ZBTB24: variants seen among roughly 807,000 people sequenced by gnomAD.
ZBTB24 encodes the protein zinc finger and BTB domain containing 24.
In ZBTB24, 32 loss-of-function variants were observed where a neutral mutation model predicts 53.8. That is an observed-to-expected ratio of 0.60 (90% confidence interval 0.45 to 0.80). ZBTB24 has a LOEUF of 0.80. ZBTB24 is among the 30% of genes least tolerant of loss of function. The pLI is 0.00. For missense variants in ZBTB24, 722 were observed against 837.1 expected (o/e 0.86, Z 1.70); for synonymous variants, 297 against 306.7 (o/e 0.97, Z 0.33).
In ZBTB24 at chr6:109,478,092, G is replaced by C. The variant is rs377329703; in HGVS notation, c.953-1162C>G. On this transcript the variant is annotated intron_variant, in intron 2 of 6. Coordinates refer to ENST00000230122, the MANE Select transcript of ZBTB24 (RefSeq NM_014797.3). ...CTTAAAGCATGACAAAATAACGAAG[G>C]AATTCTTAACAGGGCCCACTTAGGA... Among the ~76,000 whole-genome samples the C allele has an allele frequency of 7.2e-5, 11 of 152,062 alleles. No homozygotes were observed. In the East Asian group the frequency reaches 1.2e-3, roughly 16 times the overall value.
chr6:109,476,626 A>G (rs940339909), intron 3 of ZBTB24, 137 bp downstream of exon 3: 2 of 1,263,846 alleles, frequency 1.6e-6, no homozygotes, highest in Non-Finnish European at 2.2e-6. Context: ...GCACTCAGAC[A>G]GATGCAAAAT....
At chr6:109,467,503 A>C (rs1314284359) in intron 6 of ZBTB24, 150 bp downstream of exon 6, 3 of 1,530,622 alleles carry the variant, frequency 2.0e-6, no homozygotes, top group Non-Finnish European at 2.6e-6. Flanking sequence ...CTCAAAACAA[A>C]CAAACAAAAC....
In ZBTB24 at chr6:109,476,267, A is replaced by G. The variant is rs577387603; in HGVS notation, c.1121-9T>C. 44 of 1,614,122 alleles carry G rather than the reference A, an allele frequency of 2.7e-5. No homozygotes were observed. The highest frequency in any genetic ancestry group is 1.6e-4 in the Middle Eastern group (1 of 6,062). ...GGTAAAAGACTTCTGTCCTGCCAAA[A>G]AAACCAAAACACTAAAACATGTAAA... On this transcript the variant is annotated splice_polypyrimidine_tract_variant and intron_variant, in intron 3 of 6. Coordinates refer to ENST00000230122, the MANE Select transcript of ZBTB24 (RefSeq NM_014797.3).
At chr6:109,471,195 A>G (rs905128565) in intron 5 of ZBTB24, among the ~76,000 whole-genome samples, 4 of 152,260 alleles carry the variant, frequency 2.6e-5, no homozygotes, top group African/African-American at 9.6e-5. Flanking sequence ...CATGTCCATG[A>G]TAACTGTGGA....
At chr6:109,476,719 A>G (rs766362532) in intron 3 of ZBTB24, 44 bp downstream of exon 3, 2 of 1,602,100 alleles carry the variant, frequency 1.2e-6, no homozygotes, top group Non-Finnish European at 8.5e-7. Context: ...CACCCTGGGG[A>G]ATGGGAATCT....
rs145894539 is a variant in ZBTB24 at position 109,466,052 on chromosome 6, T to G, written c.1893A>C (p.Gln631His). Residue 631 changes from glutamine to histidine, a missense_variant, in exon 7 of 7, where the codon CAA (glutamine) becomes CAC (histidine). Coordinates refer to ENST00000230122, the MANE Select transcript of ZBTB24 (RefSeq NM_014797.3). ...GAGTGATCACGTGCACTGGCTCTGT[T>G]TGTGAGGGCCCCATCTGGCTTTCAA... Reference protein sequence around the residue: ...NMIESQMGPSQTEPVHVITLS... With the variant: ...NMIESQMGPSHTEPVHVITLS... 1.2e-6 allele frequency: 2 copies of G among 1,614,216 alleles called. No homozygotes were observed. The highest frequency in any genetic ancestry group is 2.2e-5 in the South Asian group (2 of 91,082).
rs1776397673 is a variant in ZBTB24, at chr6:109,481,079, G to A, written c.948C>T (p.His316=). The A allele has an allele frequency of 6.2e-7, 1 of 1,614,096 alleles. No individual in the cohort carries two copies. Among genetic ancestry groups the A allele is most frequent in the African/African-American group, 1.3e-5 (1 of 75,046 alleles). ...CAGCTTTGAAAACATCATTACCTGT[G>A]TGGCTCCTCTGGTGGATTGCTAAAA... is the stretch of plus-strand genomic sequence containing the variant. ...NHFLAIHQRS[H]TGERPFKCNE... Residue 316 remains histidine, a synonymous_variant, in exon 2 of 7, where the codon CAC becomes CAT. Transcript: ENST00000230122.
Position 109,476,946 on chromosome 6 carries a change from C to T in ZBTB24, c.953-16G>A. The stretch of plus-strand genomic sequence containing the variant: ...GGTCGCTCCCCTGGAAGAAGAGCCC[C>T]AGAAGCATGGTATAAGTAAGAATCC... On this transcript the variant is annotated splice_polypyrimidine_tract_variant and intron_variant, in intron 2 of 6. Coordinates refer to ENST00000230122, the MANE Select transcript of ZBTB24 (RefSeq NM_014797.3). The T allele has an allele frequency of 2.5e-6, 4 of 1,613,136 alleles. No individual in the cohort carries two copies. Among genetic ancestry groups the T allele is most frequent in the Non-Finnish European group, 3.4e-6 (4 of 1,179,746 alleles).
Position 109,466,046 on chromosome 6 carries a change from C to G in ZBTB24, c.1899G>C (p.Glu633Asp), listed in dbSNP as rs1776031447. Reference sequence around the variant, plus strand: ...TGGACAGAGTGATCACGTGCACTGGCTCTGTTTGTGAGGGCCCCATCTGGC... The same window carrying G: ...TGGACAGAGTGATCACGTGCACTGGGTCTGTTTGTGAGGGCCCCATCTGGC... ...IESQMGPSQT[E>D]PVHVITLSKE... The change falls in exon 7 of 7, where the codon GAG becomes GAC. Residue 633 changes from glutamate to aspartate, a missense_variant. Transcript: ENST00000230122. 6.2e-7 allele frequency: 1 copy of G among 1,614,096 alleles called. No individual in the cohort carries two copies. The highest frequency in any genetic ancestry group is 1.7e-5 in the Admixed American group (1 of 60,002).
At chr6:109,476,042 T>G in intron 4 of ZBTB24, 133 bp downstream of exon 4, 1 of 913,700 alleles carries the variant, frequency 1.1e-6, no homozygotes, top group Non-Finnish European at 1.7e-6. Flanking sequence ...TTTAGACTCT[T>G]AAGGCACTTT....
chr6:109,469,919 G>A (rs1776131022), intron 5 of ZBTB24, among the ~76,000 whole-genome samples: 1 of 152,218 alleles, frequency 6.6e-6, no homozygotes, highest in Non-Finnish European at 1.5e-5. Context: ...TCAGGAGTCA[G>A]GAGGCCAAGG....
intron 5 of ZBTB24, among the ~76,000 whole-genome samples, chr6:109,473,954 T>C (rs1172953721): frequency 6.6e-6 from 1 of 151,272 alleles, no homozygotes; most frequent in Non-Finnish European, 1.5e-5. Context: ...CCAGGCGTGG[T>C]GGTGCGCACC....
At chr6:109,467,462 C>T (rs1776071253) in intron 6 of ZBTB24, 191 bp downstream of exon 6, 10 of 918,690 alleles carry the variant, frequency 1.1e-5, no homozygotes, top group Non-Finnish European at 1.3e-5. Context: ...CACACCACTG[C>T]ACTCCAGCCT....
Position 109,465,824 on chromosome 6 carries a change from A to G in ZBTB24, c.*27T>C. 1 of 1,614,188 alleles carries G rather than the reference A, an allele frequency of 6.2e-7. No individual in the cohort carries two copies. Among genetic ancestry groups the G allele is most frequent in the Non-Finnish European group, 8.5e-7 (1 of 1,180,036 alleles). On this transcript the variant is annotated 3_prime_UTR_variant, in exon 7 of 7. Coordinates refer to ENST00000230122, the MANE Select transcript of ZBTB24 (RefSeq NM_014797.3). ...CAGAGCTGGCTTATAAGAAGAGCCC[A>G]ATCAAGCAGTCAAACGTGTTTACAG...
rs2232441 is a variant in ZBTB24, at chr6:109,477,080, T to C, written c.953-150A>G. 61,861 of 1,167,532 alleles carry C rather than the reference T, an allele frequency of 0.053. 1,838 individuals carry two copies. Among genetic ancestry groups the C allele is most frequent in the Admixed American group, 0.095 (4,419 of 46,740 alleles). 72.3% of individuals were successfully genotyped at this position (1,167,532 alleles called of 1,614,324 possible). On this transcript the variant is annotated intron_variant, in intron 2 of 6. Transcript: ENST00000230122. ...CACAAGAGACATCAGCAATAAAATT[T>C]TGGAAGCTGAACAGATGAATCTGAA... is the stretch of plus-strand genomic sequence containing the variant.
At chr6:109,482,119 A>T in intron 1 of ZBTB24, 65 bp from the exon 2 acceptor site, 2 of 1,093,406 alleles carry the variant, frequency 1.8e-6, no homozygotes, top group Non-Finnish European at 2.8e-6. Context: ...GCCAGCCCAC[A>T]TGAACTTCCT....
chr6:109,465,626 C>T lies in ZBTB24; in HGVS notation c.*225G>A. 2.0e-6 allele frequency: 3 copies of T among 1,535,430 alleles called. No homozygotes were observed. The highest frequency in any genetic ancestry group is 2.6e-6 in the Non-Finnish European group (3 of 1,145,276). On this transcript the variant is annotated 3_prime_UTR_variant, in exon 7 of 7. Coordinates refer to ENST00000230122, the MANE Select transcript of ZBTB24 (RefSeq NM_014797.3). ...AGACATTGCAGATTAAAATGAAAAC[C>T]ATTCAATAATATTGAAATGCTCAAT...
At chr6:109,477,955 T>C (rs1776314977) in intron 2 of ZBTB24, among the ~76,000 whole-genome samples, 1 of 152,202 alleles carries the variant, frequency 6.6e-6, no homozygotes, top group Non-Finnish European at 1.5e-5. Flanking sequence ...TCCATACAAC[T>C]GTTTCAGTAC....
In ZBTB24 at chr6:109,481,864, G is replaced by C. The variant is rs1375347889; in HGVS notation, c.163C>G (p.Leu55Val). The part of the protein sequence containing the change: ...NVHFRAHKAL[L>V]AASSEYFSMM... ...GAGAAGTATTCACTACTGGCAGCAA[G>C]TAAGGCTTTGTGGGCCCGGAAATGT... The change falls in exon 2 of 7, where the codon CTT becomes GTT. Residue 55 changes from leucine to valine, a missense_variant. Physicochemically the swap from Leu to Val is conservative, Grantham distance 32. Coordinates refer to ENST00000230122, the MANE Select transcript of ZBTB24 (RefSeq NM_014797.3). 6.2e-7 allele frequency: 1 copy of C among 1,614,222 alleles called. No individual in the cohort carries two copies. The highest frequency in any genetic ancestry group is 8.5e-7 in the Non-Finnish European group (1 of 1,180,032).
Sources: allele counts gnomAD v4.1 joint callset (sites outside exome capture counted in the v4.1 genomes callset), GRCh38; gene constraint gnomAD v4.1.1; transcripts MANE v1.5; gene names NCBI Gene and HGNC (gene_info 2026-07-23, HGNC 2026-07-21).